Variants in STAM observed in about 807,000 individuals in gnomAD.
The protein encoded by STAM is signal transducing adapter molecule 1.
In STAM, 16 loss-of-function variants were observed where a neutral mutation model predicts 63.4. The ratio of observed to expected loss-of-function variants is 0.25; its 90% CI spans 0.17 to 0.38. STAM has a LOEUF of 0.38. Among genes scored for constraint, STAM ranks in the 10% least tolerant of loss-of-function variants. STAM has a pLI of 1.00. For synonymous variants in STAM, 238 were observed against 223.9 expected, an observed-to-expected ratio of 1.06 and a Z score of -0.56; for missense variants, 636 against 657.1, an observed-to-expected ratio of 0.97 and a Z score of 0.35.
intron 2 of STAM, among the ~76,000 whole-genome samples, chr10:17,678,550 A>C (rs1255011003): frequency 1.3e-5 from 2 of 152,198 alleles, no homozygotes; most frequent in East Asian, 3.9e-4. Flanking sequence ...CACCACGCCC[A>C]ACCTCATGTA....
intron 9 of STAM, among the ~76,000 whole-genome samples, chr10:17,702,310 G>A (rs1459703806): frequency 2.0e-5 from 3 of 152,084 alleles, no homozygotes; most frequent in Non-Finnish European, 4.4e-5. Context: ...AAACTTTCAA[G>A]TATATTAGGA....
rs1223509007 is a variant in STAM at position 17,659,463 on chromosome 10, C to CTTTT, written c.41-982_41-979dup. ...GGTATTCCATCTTTATTCTCTTCCT[C>CTTTT]TTTTTTTTTTTTTTTTTTTTTTAAA... On this transcript the variant is annotated intron_variant, in intron 1 of 13. Transcript: ENST00000377524. 1.3e-3 allele frequency among the ~76,000 whole-genome samples: 144 copies of CTTTT among 107,514 alleles called. 5 individuals are homozygous for CTTTT. Among genetic ancestry groups the CTTTT allele is most frequent in the African/African-American group, 2.1e-3 (57 of 27,436 alleles). 70.5% of individuals were successfully genotyped at this position (107,514 alleles called of 152,430 possible).
chr10:17,684,843 A>G lies in STAM; in HGVS notation c.213A>G (p.Ala71=), dbSNP rs1835229629. 6.2e-7 allele frequency: 1 copy of G among 1,614,080 alleles called. No homozygotes were observed. The highest frequency in any genetic ancestry group is 8.5e-7 in the Non-Finnish European group (1 of 1,179,974). ...TTTTGTGCTTTTAGCTTCTAGGAGC[A>G]TGTGTATCAAACTGTGGCAAAATTT... The part of the protein sequence containing the change: ...VAMQALTLLG[A]CVSNCGKIFH... Residue 71 remains alanine (A), a synonymous_variant, in exon 4 of 14, where the codon GCA becomes GCG. Coordinates refer to ENST00000377524, the MANE Select transcript of STAM (RefSeq NM_003473.4).
intron 2 of STAM, among the ~76,000 whole-genome samples, chr10:17,668,044 A>T (rs1175492880): frequency 6.6e-6 from 1 of 152,236 alleles, no homozygotes; most frequent in Non-Finnish European, 1.5e-5. Context: ...GATGACTCCA[A>T]GGTCCATCGG....
intron 5 of STAM, among the ~76,000 whole-genome samples, chr10:17,688,567 A>G (rs1400206134): frequency 4.6e-5 from 7 of 151,612 alleles, no homozygotes; most frequent in African/African-American, 1.7e-4. Flanking sequence ...GGTTCAGGTG[A>G]TTCTCCTGCC....
At chr10:17,690,529 C>G (rs1835486033) in intron 5 of STAM, among the ~76,000 whole-genome samples, 1 of 151,938 alleles carries the variant, frequency 6.6e-6, no homozygotes. Context: ...TTATTAGAAA[C>G]CCTACATGTA....
intron 2 of STAM, among the ~76,000 whole-genome samples, chr10:17,676,547 T>G (rs533924199): frequency 7.2e-5 from 11 of 152,194 alleles, no homozygotes; most frequent in African/African-American, 2.4e-4. Flanking sequence ...CCTTTTCTTT[T>G]ACCCTCTTAC....
chr10:17,676,229 C>A (rs1564545250), intron 2 of STAM, among the ~76,000 whole-genome samples: 1 of 152,122 alleles, frequency 6.6e-6, no homozygotes, highest in Non-Finnish European at 1.5e-5. Context: ...CATGAGCTGA[C>A]TTATTTTTAA....
intron 4 of STAM, among the ~76,000 whole-genome samples, chr10:17,687,111 G>A (rs151286260): frequency 5.3e-5 from 8 of 152,142 alleles, no homozygotes; most frequent in South Asian, 2.1e-4. Flanking sequence ...TCTTTAATAC[G>A]GAAGAATAAT....
intron 2 of STAM, among the ~76,000 whole-genome samples, chr10:17,668,145 T>G (rs1338024145): frequency 1.3e-5 from 2 of 151,540 alleles, no homozygotes; most frequent in Non-Finnish European, 2.9e-5. Flanking sequence ...AGGACAGGAG[T>G]GATGTTGGAG....
chr10:17,700,377 A>G, intron 9 of STAM, 98 bp downstream of exon 9: 1 of 943,588 alleles, frequency 1.1e-6, no homozygotes. Flanking sequence ...TTTTTGTTGT[A>G]AAAATTTTTG....
In STAM at chr10:17,704,952, C is replaced by G. The variant is rs1554829028; in HGVS notation, c.1001-18C>G. 6.2e-7 allele frequency: 1 copy of G among 1,604,738 alleles called. No individual in the cohort carries two copies. The highest frequency in any genetic ancestry group is 1.1e-5 in the South Asian group (1 of 89,238). ...TTTCTTGTACTTTCTTATATTTCTT[C>G]ACATCTTGTCATTTTAGCAATGTGT... On this transcript the variant is annotated intron_variant, in intron 10 of 13. Coordinates refer to ENST00000377524, the MANE Select transcript of STAM (RefSeq NM_003473.4).
intron 1 of STAM, among the ~76,000 whole-genome samples, chr10:17,646,866 TTAAAG>T (rs1833540428): frequency 6.6e-6 from 1 of 152,242 alleles, no homozygotes; most frequent in African/African-American, 2.4e-5. Flanking sequence ...TGTCATAACA[TTAAAG>T]TAACTCATTT....
chr10:17,691,174 A>C (rs1835514860), intron 5 of STAM, among the ~76,000 whole-genome samples: 1 of 152,236 alleles, frequency 6.6e-6, no homozygotes, highest in Non-Finnish European at 1.5e-5. Flanking sequence ...AGAGTGTTTA[A>C]AGTTGTATTC....
At chr10:17,663,406 T>C (rs1834253373) in intron 2 of STAM, among the ~76,000 whole-genome samples, 1 of 152,140 alleles carries the variant, frequency 6.6e-6, no homozygotes, top group Non-Finnish European at 1.5e-5. Flanking sequence ...CCTTAATATT[T>C]GAATTGTCAG....
intron 13 of STAM, 111 bp downstream of exon 13, chr10:17,709,062 A>T: frequency 2.3e-6 from 3 of 1,300,666 alleles, no homozygotes; most frequent in Non-Finnish European, 3.2e-6. Context: ...GGTCAGCGTC[A>T]TGCGGCCGCC....
intron 1 of STAM, among the ~76,000 whole-genome samples, chr10:17,649,196 G>A (rs756839222): frequency 1.1e-4 from 17 of 152,146 alleles, no homozygotes; most frequent in Non-Finnish European, 1.8e-4. Context: ...TTGAGGCCAG[G>A]AATTGGAGAC....
intron 6 of STAM, among the ~76,000 whole-genome samples, chr10:17,693,784 T>C (rs1357904906): frequency 6.6e-6 from 1 of 152,344 alleles, no homozygotes; most frequent in African/African-American, 2.4e-5. Flanking sequence ...AGTATTCTTG[T>C]ACATATTCTC....
chr10:17,665,349 A>C (rs1554823291), intron 2 of STAM, among the ~76,000 whole-genome samples: 3 of 152,212 alleles, frequency 2.0e-5, no homozygotes, highest in African/African-American at 7.2e-5. Context: ...ACAATTTAAA[A>C]AGATGGACAT....
Sources: allele counts gnomAD v4.1 joint callset (sites outside exome capture counted in the v4.1 genomes callset), GRCh38; gene constraint gnomAD v4.1.1; transcripts MANE v1.5; gene names NCBI Gene and HGNC (gene_info 2026-07-23, HGNC 2026-07-21).